RTN3: variants seen among roughly 807,000 people sequenced by gnomAD.
RTN3 encodes the protein reticulon 3.
In RTN3, 49 loss-of-function variants were observed where a neutral mutation model predicts 77.8. That is an observed-to-expected ratio of 0.63 (90% CI 0.50 to 0.80). The LOEUF (loss-of-function observed/expected upper bound fraction) is 0.80, where lower values mean the gene tolerates loss of function less well. Among genes scored for constraint, RTN3 ranks in the 30% least tolerant of loss-of-function variants. The pLI is 0.00. For synonymous variants in RTN3, 464 were observed against 446.9 expected (o/e 1.04, Z -0.48); for missense variants, 1,236 against 1,211.9 (o/e 1.02, Z -0.29).
chr11:63,730,228 A>G (rs796225437), intron 3 of RTN3, among the ~76,000 whole-genome samples: 24 of 152,306 alleles, frequency 1.6e-4, no homozygotes, highest in African/African-American at 5.8e-4. Context: ...CGGCCTCCCA[A>G]AGTGCTGGGA....
Position 63,758,447 on chromosome 11 carries a change from C to T in RTN3, c.*246C>T. Reference sequence around the variant, plus strand: ...AAAGAATCAAATTCATAGGATAAGTCAATACCTTAATGGTGGTAGAGCCTT... The same window carrying T: ...AAAGAATCAAATTCATAGGATAAGTTAATACCTTAATGGTGGTAGAGCCTT... On this transcript the variant is annotated 3_prime_UTR_variant, in exon 9 of 9. Transcript: ENST00000377819. 9.4e-7 allele frequency: 1 copy of T among 1,067,578 alleles called. No homozygotes were observed. Among genetic ancestry groups the T allele is most frequent in the South Asian group, 1.6e-5 (1 of 61,226 alleles). 66.1% of individuals were successfully genotyped at this position (1,067,578 alleles called of 1,614,324 possible). A position where few individuals can be genotyped will look rare whatever the true frequency, so the allele number is the denominator to read the frequency against.
intron 5 of RTN3, 55 bp from the exon 6 acceptor site, chr11:63,753,014 A>G (rs2014184705): frequency 6.8e-7 from 1 of 1,478,152 alleles, no homozygotes; most frequent in Non-Finnish European, 9.4e-7. Context: ...ACATCAGTTA[A>G]TGTGAATTTT....
chr11:63,686,865 T>C (rs1941403407), intron 1 of RTN3, among the ~76,000 whole-genome samples: 1 of 152,076 alleles, frequency 6.6e-6, no homozygotes, highest in African/African-American at 2.4e-5. Context: ...AAGAAAATCA[T>C]GATGCCAAAA....
intron 1 of RTN3, among the ~76,000 whole-genome samples, chr11:63,691,203 A>G (rs925313211): frequency 1.5e-5 from 2 of 136,250 alleles, no homozygotes; most frequent in South Asian, 2.2e-4. Context: ...TCACTGCACC[A>G]TCCGCCTCCT....
rs1590843461 is a variant in RTN3 at position 63,724,205 on chromosome 11, C to T, written c.2530+3173C>T. On this transcript the variant is annotated intron_variant, in intron 3 of 8. Transcript: ENST00000377819. ...TTTTTTTTTTTTTTTTTTTTTGAGA[C>T]AGAGTCTCGCTCTGTCGCCCAGGCT... is the stretch of plus-strand genomic sequence containing the variant. Among the ~76,000 whole-genome samples the T allele has an allele frequency of 3.1e-5, 3 of 97,676 alleles. No homozygotes were observed. The Admixed American group carries it at 4.8e-4, about 16-fold the overall frequency. The allele number at this position is 97,676 out of a possible 152,430, so 64.1% of individuals were successfully genotyped here.
intron 1 of RTN3, among the ~76,000 whole-genome samples, chr11:63,702,071 G>GCCCT (rs1416730448): frequency 6.6e-6 from 1 of 152,082 alleles, no homozygotes; most frequent in Non-Finnish European, 1.5e-5. Context: ...TATAGCTATA[G>GCCCT]CCCTGTCCTT....
At chr11:63,710,313 G>T (rs1314591089) in intron 2 of RTN3, among the ~76,000 whole-genome samples, 1 of 151,940 alleles carries the variant, frequency 6.6e-6, no homozygotes, top group East Asian at 1.9e-4. Context: ...CTACAGGCGG[G>T]CACCACTGTG....
At chr11:63,740,334 T>G (rs1040331567) in intron 3 of RTN3, among the ~76,000 whole-genome samples, 1 of 151,644 alleles carries the variant, frequency 6.6e-6, no homozygotes, top group Non-Finnish European at 1.5e-5. Flanking sequence ...CAGGCTAGAG[T>G]GCAGCAGTGT....
chr11:63,756,715 C>T (rs2014398240), intron 8 of RTN3, among the ~76,000 whole-genome samples: 1 of 152,156 alleles, frequency 6.6e-6, no homozygotes, highest in East Asian at 1.9e-4. Flanking sequence ...GTAGCAAGGA[C>T]CATAGGCTAC....
At chr11:63,692,939 GAGAA>G (rs142968961) in intron 1 of RTN3, among the ~76,000 whole-genome samples, 16,607 of 152,108 alleles carry the variant, frequency 0.11, 1,015 homozygotes, top group South Asian at 0.16. Flanking sequence ...AAAGTTCAAT[GAGAA>G]AGAAAAAAAG....
chr11:63,700,516 G>A (rs1167667964), intron 1 of RTN3, among the ~76,000 whole-genome samples: 5 of 151,150 alleles, frequency 3.3e-5, no homozygotes, highest in South Asian at 2.1e-4. Flanking sequence ...GCTCCTGGGC[G>A]CAAGCGGTCC....
At chr11:63,754,743 C>A (rs374209756) in intron 7 of RTN3, among the ~76,000 whole-genome samples, 1 of 143,460 alleles carries the variant, frequency 7.0e-6, no homozygotes, top group Non-Finnish European at 1.5e-5. Flanking sequence ...ATTGAGACCA[C>A]GGTGAAACCC....
At chr11:63,715,849 T>C (rs1176710629) in intron 2 of RTN3, among the ~76,000 whole-genome samples, 2 of 152,190 alleles carry the variant, frequency 1.3e-5, no homozygotes, top group African/African-American at 2.4e-5. Context: ...ATGGCTCAGA[T>C]TGTGGAATAT....
At chr11:63,742,955 G>T (rs760119098) in intron 3 of RTN3, among the ~76,000 whole-genome samples, 24 of 152,078 alleles carry the variant, frequency 1.6e-4, no homozygotes, top group Non-Finnish European at 3.4e-4. Flanking sequence ...ATCTCAGCTC[G>T]CTGCAACCTC....
chr11:63,718,994 G>A lies in RTN3; in HGVS notation c.492G>A (p.Glu164=). The A allele has an allele frequency of 6.2e-7, 1 of 1,614,144 alleles. No homozygotes were observed. The highest frequency in any genetic ancestry group is 1.6e-4 in the Middle Eastern group (1 of 6,062). The change falls in exon 3 of 9, where the codon GAG becomes GAA. Residue 164 remains glutamate, a synonymous_variant. Transcript: ENST00000377819. Reference sequence around the variant, plus strand: ...CTTCTATTCCAGCCAGTTTCCCAGAGCATCCTGCTTTTCTCTCAAAGAAAA... The same window carrying A: ...CTTCTATTCCAGCCAGTTTCCCAGAACATCCTGCTTTTCTCTCAAAGAAAA... The part of the protein sequence containing the change: ...DRPSIPASFP[E]HPAFLSKKIG...
intron 3 of RTN3, among the ~76,000 whole-genome samples, chr11:63,727,021 C>T (rs1353926876): frequency 6.6e-6 from 1 of 152,016 alleles, no homozygotes; most frequent in Non-Finnish European, 1.5e-5. Flanking sequence ...GAAACCCCAT[C>T]TCCACTAAAA....
At position 63,720,659 on chromosome 11, in the gene RTN3, A is replaced by G; in HGVS notation, c.2157A>G (p.Gly719=). 1 of 1,614,168 alleles carries G rather than the reference A, an allele frequency of 6.2e-7. No homozygotes were observed. Residue 719 remains glycine, a synonymous_variant, in exon 3 of 9, where the codon GGA becomes GGG. Transcript: ENST00000377819. ...KYSEQSKETN[G]SEPLGVFPTQ... ...GTGAACAAAGCAAAGAAACAAATGG[A>G]AGTGAGCCTCTAGGTGTTTTCCCTA...
chr11:63,734,725 CTG>C (rs1343512391), intron 3 of RTN3, among the ~76,000 whole-genome samples: 1 of 144,462 alleles, frequency 6.9e-6, no homozygotes, highest in Non-Finnish European at 1.5e-5. Context: ...GAGGGAGACT[CTG>C]TCTCAAAACA....
At chr11:63,683,157 A>G (rs957083902) in intron 1 of RTN3, among the ~76,000 whole-genome samples, 7 of 152,118 alleles carry the variant, frequency 4.6e-5, no homozygotes, top group East Asian at 1.9e-4. Context: ...CAGTGTGGTT[A>G]TGGCCATTTC....
Sources: allele counts gnomAD v4.1 joint callset (sites outside exome capture counted in the v4.1 genomes callset), GRCh38; gene constraint gnomAD v4.1.1; transcripts MANE v1.5; gene names NCBI Gene and HGNC (gene_info 2026-07-23, HGNC 2026-07-21).